TOX3: variants seen among roughly 807,000 people sequenced by gnomAD.
TOX3 encodes CAG trinucleotide repeat-containing gene F9 protein.
In TOX3, 22 loss-of-function variants were observed where a neutral mutation model predicts 64.3. The observed-to-expected ratio is 0.34, with a 90% CI of 0.24 to 0.49. TOX3 has a LOEUF of 0.49. Ranked by LOEUF, TOX3 falls within the 20% of genes least tolerant of loss-of-function variation. The probability of loss-of-function intolerance (pLI) is 0.99; values close to 1 mark genes in which losing one functional copy is unlikely to be tolerated. For synonymous variants in TOX3, 291 were observed against 273.6 expected, an observed-to-expected ratio of 1.06 and a Z score of -0.63; for missense variants, 661 against 714.4, an observed-to-expected ratio of 0.93 and a Z score of 0.85.
chr16:52,483,392 A>G (rs1961417914), intron 1 of TOX3, among the ~76,000 whole-genome samples: 2 of 152,264 alleles, frequency 1.3e-5, no homozygotes, highest in East Asian at 3.9e-4. Flanking sequence ...CATTGCCTAG[A>G]AGGGGAGAGC....
intron 1 of TOX3, among the ~76,000 whole-genome samples, chr16:52,474,365 A>G (rs1961143254): frequency 6.6e-6 from 1 of 152,144 alleles, no homozygotes; most frequent in Admixed American, 6.5e-5. Flanking sequence ...TGGTTCTACC[A>G]TACTTCCCAA....
At chr16:52,527,914 G>A (rs865997855) in intron 1 of TOX3, among the ~76,000 whole-genome samples, 1 of 152,168 alleles carries the variant, frequency 6.6e-6, no homozygotes, top group Non-Finnish European at 1.5e-5. Flanking sequence ...TGTCACAACT[G>A]GGGGTGCTGC....
At chr16:52,484,153 C>G (rs963562799) in intron 1 of TOX3, among the ~76,000 whole-genome samples, 2 of 152,108 alleles carry the variant, frequency 1.3e-5, no homozygotes, top group Non-Finnish European at 2.9e-5. Flanking sequence ...TTCATCATAC[C>G]TTATGGACTC....
chr16:52,530,337 C>G (rs554347825), intron 1 of TOX3, among the ~76,000 whole-genome samples: 1 of 100,906 alleles, frequency 9.9e-6, no homozygotes, highest in East Asian at 4.0e-4. Context: ...TGCCCCCCAC[C>G]CCACTTTTTT....
chr16:52,478,329 C>T (rs894355359), intron 1 of TOX3, among the ~76,000 whole-genome samples: 1 of 152,164 alleles, frequency 6.6e-6, no homozygotes, highest in Non-Finnish European at 1.5e-5. Context: ...CCACTCATTG[C>T]ACTTGCTGTT....
chr16:52,490,647 T>TTTTTTTTTTTTA (rs1555484775), intron 1 of TOX3, among the ~76,000 whole-genome samples: 1 of 146,630 alleles, frequency 6.8e-6, no homozygotes, highest in Non-Finnish European at 1.5e-5. Flanking sequence ...TTTTTTTTTT[T>TTTTTTTTTTTTA]AATACAGGGT....
upstream of TOX3, among the ~76,000 whole-genome samples, chr16:52,547,199 T>TC (rs1346891379): frequency 4.5e-5 from 1 of 22,198 alleles, no homozygotes; most frequent in African/African-American, 1.6e-4. Flanking sequence ...GCCGGTCCCC[T>TC]CCCCGCGCCG....
At chr16:52,489,929 T>C (rs1206743757) in intron 1 of TOX3, among the ~76,000 whole-genome samples, 2 of 152,170 alleles carry the variant, frequency 1.3e-5, no homozygotes, top group Non-Finnish European at 2.9e-5. Flanking sequence ...CCAGCAATCC[T>C]AACCAATCTT....
Position 52,546,874 on chromosome 16 carries a change from G to T in TOX3, c.-151C>A, listed in dbSNP as rs922788689. The T allele has an allele frequency of 8.4e-7, 1 of 1,184,620 alleles. No homozygotes were observed. Among genetic ancestry groups the T allele is most frequent in the Non-Finnish European group, 1.0e-6 (1 of 958,136 alleles). 73.4% of individuals were successfully genotyped at this position (1,184,620 alleles called of 1,614,324 possible). ...GGGGCGCCGGGACCCAGAGCCCGAGGAGCTCGGGAGCCGCGGCCGCCGCAC... is the reference window on the plus strand; with the variant it reads ...GGGGCGCCGGGACCCAGAGCCCGAGTAGCTCGGGAGCCGCGGCCGCCGCAC... On this transcript the variant is annotated 5_prime_UTR_variant, in exon 1 of 7. Transcript: ENST00000219746.
rs116716454 is a variant in TOX3 at position 52,542,932 on chromosome 16, T to C, written c.87+3705A>G. ...TGGAGTCAAAGCACTAATATAAGAA[T>C]GTCTTAATTAATCAAAGTGATCAAT... On this transcript the variant is annotated intron_variant, in intron 1 of 6. Transcript: ENST00000219746. Among the ~76,000 whole-genome samples, 470 of 152,314 alleles carry C rather than the reference T, an allele frequency of 3.1e-3. 4 individuals are homozygous for C. Among genetic ancestry groups the C allele is most frequent in the African/African-American group, 0.011 (451 of 41,574 alleles).
chr16:52,536,866 T>C (rs983550339), intron 1 of TOX3, among the ~76,000 whole-genome samples: 5 of 151,134 alleles, frequency 3.3e-5, no homozygotes, highest in East Asian at 3.9e-4. Context: ...TGTGTGTACA[T>C]ATATATGTAT....
rs555616062 is a variant in TOX3, at chr16:52,518,457, C to T, written c.87+28180G>A. ...CTATTCAGGGATACAATATGTAAGA[C>T]CCAGACCATCAACCTTGAATTAAAA... is the stretch of plus-strand genomic sequence containing the variant. On this transcript the variant is annotated intron_variant, in intron 1 of 6. Coordinates refer to ENST00000219746, the MANE Select transcript of TOX3 (RefSeq NM_001080430.4). 5.9e-5 allele frequency among the ~76,000 whole-genome samples: 9 copies of T among 152,264 alleles called. No individual in the cohort carries two copies. In the South Asian group the frequency reaches 1.7e-3, roughly 28 times the overall value.
At chr16:52,479,143 T>C (rs536260062) in intron 1 of TOX3, among the ~76,000 whole-genome samples, 1 of 152,256 alleles carries the variant, frequency 6.6e-6, no homozygotes, top group South Asian at 2.1e-4. Flanking sequence ...GCATAAGTTT[T>C]CAAACAAGAG....
intron 1 of TOX3, among the ~76,000 whole-genome samples, chr16:52,497,243 G>T (rs955747897): frequency 6.6e-6 from 1 of 152,124 alleles, no homozygotes; most frequent in Non-Finnish European, 1.5e-5. Flanking sequence ...AATAGTTATT[G>T]TTTGTACAAC....
chr16:52,445,161 AT>A (rs1567310058), intron 5 of TOX3: 1 of 152,226 alleles, frequency 6.6e-6, no homozygotes, highest in Admixed American at 6.5e-5. Flanking sequence ...GAAATTTCTA[AT>A]GTTGCACCTT....
chr16:52,447,499 A>G (rs1406257999), intron 4 of TOX3, among the ~76,000 whole-genome samples: 1 of 152,210 alleles, frequency 6.6e-6, no homozygotes. Context: ...AAGTGTTAAG[A>G]AACCACTGGC....
rs566177575 is a variant in TOX3, at chr16:52,507,846, G to A, written c.87+38791C>T. Among the ~76,000 whole-genome samples, 69 of 152,170 alleles carry A rather than the reference G, an allele frequency of 4.5e-4. 1 individual carries two copies. In the South Asian group the frequency reaches 0.014, roughly 31 times the overall value. ...TTTTCTTTCTTTTTTAGAATTTCTA[G>A]ATTACATTATTTGAAAGTAAATAAT... On this transcript the variant is annotated intron_variant, in intron 1 of 6. Transcript: ENST00000219746.
chr16:52,473,580 C>T (rs1287510431), intron 1 of TOX3, among the ~76,000 whole-genome samples: 2 of 152,126 alleles, frequency 1.3e-5, no homozygotes, highest in African/African-American at 2.4e-5. Context: ...GTTAACTACC[C>T]CCTGGAAGAG....
chr16:52,470,787 T>A (rs1480809283), intron 1 of TOX3, among the ~76,000 whole-genome samples: 2 of 152,196 alleles, frequency 1.3e-5, no homozygotes, highest in African/African-American at 4.8e-5. Context: ...TTTGAAACGC[T>A]CTTACCTGAA....
Sources: allele counts gnomAD v4.1 joint callset (sites outside exome capture counted in the v4.1 genomes callset), GRCh38; gene constraint gnomAD v4.1.1; transcripts MANE v1.5; gene names NCBI Gene and HGNC (gene_info 2026-07-23, HGNC 2026-07-21).